Variants in NKAIN2 observed in about 807,000 individuals in gnomAD.
The protein encoded by NKAIN2 is sodium/potassium transporting ATPase interacting 2.
NKAIN2 carries 14 observed loss-of-function variants against 32.6 expected under a neutral mutation model. The ratio of observed to expected loss-of-function variants is 0.43; its 90% CI spans 0.28 to 0.67. NKAIN2 has a LOEUF of 0.67. NKAIN2 is among the 30% of genes least tolerant of loss of function. The pLI is 0.17. For synonymous variants in NKAIN2, 80 were observed against 87.2 expected (o/e 0.92, Z 0.46); for missense variants, 198 against 258.3 (o/e 0.77, Z 1.60).
rs565113096 is a variant in NKAIN2 at position 124,733,809 on chromosome 6, A to G, written c.475-57530A>G. On this transcript the variant is annotated intron_variant, in intron 4 of 6. Transcript: ENST00000368417. ...CACATGTATAAGCACACATGTATAT[A>G]TGTGTATATACATGCATACATACAT... Among the ~76,000 whole-genome samples the G allele has an allele frequency of 9.9e-5, 15 of 151,862 alleles. No homozygotes were observed. In the South Asian group the frequency reaches 2.3e-3, roughly 23 times the overall value.
At chr6:124,534,793 T>C (rs189844392) in intron 3 of NKAIN2, among the ~76,000 whole-genome samples, 3 of 152,312 alleles carry the variant, frequency 2.0e-5, no homozygotes, top group Admixed American at 6.5e-5. Context: ...TCAACACTTA[T>C]GCACTTGAAA....
chr6:124,023,018 G>A (rs1780940325), intron 1 of NKAIN2, among the ~76,000 whole-genome samples: 1 of 151,502 alleles, frequency 6.6e-6, no homozygotes, highest in Non-Finnish European at 1.5e-5. Flanking sequence ...AAAGATTATA[G>A]ACATATGTAT....
intron 1 of NKAIN2, among the ~76,000 whole-genome samples, chr6:124,156,829 C>T (rs1411477300): frequency 6.6e-6 from 1 of 151,938 alleles, no homozygotes; most frequent in Non-Finnish European, 1.5e-5. Flanking sequence ...TGTGGCTGGG[C>T]ACAGTGGCTC....
intron 4 of NKAIN2, among the ~76,000 whole-genome samples, chr6:124,719,343 T>C (rs1257642980): frequency 6.6e-6 from 1 of 152,140 alleles, no homozygotes; most frequent in African/African-American, 2.4e-5. Context: ...ATTAAGTCCC[T>C]AGAGGGGGCA....
At chr6:124,617,577 G>A (rs945722810) in intron 3 of NKAIN2, among the ~76,000 whole-genome samples, 1 of 152,018 alleles carries the variant, frequency 6.6e-6, no homozygotes, top group African/African-American at 2.4e-5. Flanking sequence ...CTCATATTAT[G>A]GTATTTCCTA....
At chr6:124,409,893 G>A (rs1438092132) in intron 3 of NKAIN2, among the ~76,000 whole-genome samples, 1 of 152,180 alleles carries the variant, frequency 6.6e-6, no homozygotes, top group African/African-American at 2.4e-5. Context: ...TCTATTCAGA[G>A]ATTCAACTGC....
chr6:124,605,664 A>C (rs1782471577), intron 3 of NKAIN2, among the ~76,000 whole-genome samples: 1 of 152,116 alleles, frequency 6.6e-6, no homozygotes, highest in Non-Finnish European at 1.5e-5. Flanking sequence ...GTTTTCCTAC[A>C]TAAAATAATG....
intron 1 of NKAIN2, among the ~76,000 whole-genome samples, chr6:123,958,555 A>G (rs1258984248): frequency 6.6e-6 from 1 of 152,184 alleles, no homozygotes; most frequent in Non-Finnish European, 1.5e-5. Context: ...CGCTAATCTC[A>G]TTCTTGAGGG....
intron 3 of NKAIN2, among the ~76,000 whole-genome samples, chr6:124,524,727 G>A (rs1256527303): frequency 6.6e-6 from 1 of 152,138 alleles, no homozygotes; most frequent in Non-Finnish European, 1.5e-5. Context: ...TTTTGAATTT[G>A]CATGTGCTTG....
rs140892581 is a variant in NKAIN2, at chr6:124,091,865, G to A, written c.55-191140G>A. 3.0e-4 allele frequency among the ~76,000 whole-genome samples: 46 copies of A among 151,950 alleles called. No homozygotes were observed. The East Asian group carries it at 7.4e-3, about 24-fold the overall frequency. ...CACATTCATCCTCTGACTCTTTCCCGCATCATATGCAGATCTTCACTTATT... is the reference window on the plus strand; with the variant it reads ...CACATTCATCCTCTGACTCTTTCCCACATCATATGCAGATCTTCACTTATT... On this transcript the variant is annotated intron_variant, in intron 1 of 6. Transcript: ENST00000368417.
intron 1 of NKAIN2, among the ~76,000 whole-genome samples, chr6:124,099,062 A>C (rs1321940756): frequency 6.6e-6 from 1 of 152,148 alleles, no homozygotes; most frequent in African/African-American, 2.4e-5. Flanking sequence ...TAGATACAGG[A>C]TGGTCCAAAT....
intron 4 of NKAIN2, among the ~76,000 whole-genome samples, chr6:124,790,171 GA>G (rs1180251331): frequency 6.6e-6 from 1 of 152,024 alleles, no homozygotes; most frequent in Admixed American, 6.6e-5. Context: ...CCAAATTAGG[GA>G]CTTAAAAGTT....
At chr6:124,005,562 C>A (rs1780043307) in intron 1 of NKAIN2, among the ~76,000 whole-genome samples, 1 of 151,726 alleles carries the variant, frequency 6.6e-6, no homozygotes, top group African/African-American at 2.4e-5. Context: ...ATATTATTGC[C>A]CTTTTTATGT....
At chr6:123,822,586 A>G (rs1773971512) in intron 1 of NKAIN2, among the ~76,000 whole-genome samples, 1 of 152,136 alleles carries the variant, frequency 6.6e-6, no homozygotes, top group African/African-American at 2.4e-5. Context: ...AGAGTTTAGA[A>G]GGGAGACATG....
At chr6:124,140,084 T>A (rs1787059708) in intron 1 of NKAIN2, among the ~76,000 whole-genome samples, 1 of 152,168 alleles carries the variant, frequency 6.6e-6, no homozygotes, top group South Asian at 2.1e-4. Flanking sequence ...AAACTGGCAG[T>A]ACTGAAACTC....
intron 3 of NKAIN2, among the ~76,000 whole-genome samples, chr6:124,430,158 A>T (rs925707215): frequency 6.6e-6 from 1 of 152,210 alleles, no homozygotes; most frequent in African/African-American, 2.4e-5. Context: ...TCCTTGAGGA[A>T]ATTTACAATA....
intron 2 of NKAIN2, among the ~76,000 whole-genome samples, chr6:124,346,013 T>G (rs1798403375): frequency 6.6e-6 from 1 of 152,086 alleles, no homozygotes; most frequent in South Asian, 2.1e-4. Context: ...GAATGTGTCC[T>G]AGAGATTGTG....
rs535061812 is a variant in NKAIN2, at chr6:124,091,170, G to C, written c.55-191835G>C. On this transcript the variant is annotated intron_variant, in intron 1 of 6. Transcript: ENST00000368417. ...TAAATTGATTTTAAGTGAGACCTAA[G>C]TAAAGCATTGTAAGATCTAAGGAAG... is the stretch of plus-strand genomic sequence containing the variant. 1.1e-4 allele frequency among the ~76,000 whole-genome samples: 16 copies of C among 152,028 alleles called. 2 individuals carry two copies. In the South Asian group the frequency reaches 3.3e-3, roughly 32 times the overall value.
At position 124,695,159 on chromosome 6, in the gene NKAIN2, G is replaced by A. The variant is rs577791631; in HGVS notation, c.474+36773G>A. 1.3e-4 allele frequency among the ~76,000 whole-genome samples: 19 copies of A among 146,242 alleles called. No homozygotes were observed. In the East Asian group the frequency reaches 4.0e-3, roughly 30 times the overall value. On this transcript the variant is annotated intron_variant, in intron 4 of 6. Transcript: ENST00000368417. ...TAGGTAAACAGGATTTACTGCTACT[G>A]TAGCCTACCCAGAAAAAAAAAAAAA...
Sources: allele counts gnomAD v4.1 joint callset (sites outside exome capture counted in the v4.1 genomes callset), GRCh38; gene constraint gnomAD v4.1.1; transcripts MANE v1.5; gene names NCBI Gene and HGNC (gene_info 2026-07-23, HGNC 2026-07-21).